TMEM138: variants seen among roughly 807,000 people sequenced by gnomAD.
TMEM138 encodes the protein transmembrane protein 138.
In TMEM138, 9 loss-of-function variants were observed where a neutral mutation model predicts 18.1. The ratio of observed to expected loss-of-function variants is 0.50; its 90% CI spans 0.30 to 0.87. The LOEUF (loss-of-function observed/expected upper bound fraction) is 0.87. Ranked by LOEUF, TMEM138 falls within the 40% of genes least tolerant of loss-of-function variation. The pLI, the probability that TMEM138 is intolerant of heterozygous loss-of-function variation, is 0.06. For missense variants in TMEM138, 189 were observed against 190.6 expected, an observed-to-expected ratio of 0.99 and a Z score of 0.05; for synonymous variants, 79 against 74.8, an observed-to-expected ratio of 1.06 and a Z score of -0.29.
chr11:61,368,661 C>A lies in TMEM138; in HGVS notation c.441C>A (p.Tyr147Ter). The change falls in exon 5 of 5, where the codon TAC becomes TAA. Residue 147 changes from tyrosine to a stop codon, truncating the protein, a stop_gained. Transcript: ENST00000278826. LOFTEE classifies it high-confidence loss of function. ...TAAGACTAGGCGATCCTCACTTCTA[C>A]CAGGACTCTTTGTGGCTGCGCAAGG... is the stretch of plus-strand genomic sequence containing the variant. ...TAVRLGDPHF[Y>*]QDSLWLRKEF... 6.2e-7 allele frequency: 1 copy of A among 1,614,122 alleles called. No homozygotes were observed. Among genetic ancestry groups the A allele is most frequent in the Non-Finnish European group, 8.5e-7 (1 of 1,180,020 alleles).
downstream of TMEM138, among the ~76,000 whole-genome samples, chr11:61,371,059 G>C (rs945692058): frequency 3.3e-5 from 5 of 152,146 alleles, no homozygotes; most frequent in African/African-American, 4.8e-5. Flanking sequence ...ATTTTGAGAT[G>C]GAGTCTAGCT....
At chr11:61,364,788 A>G (rs1858076941) in intron 2 of TMEM138, 2 of 274,296 alleles carry the variant, frequency 7.3e-6, no homozygotes, top group African/African-American at 2.2e-5. Context: ...GCAGTGATTC[A>G]GGATGCTGAC....
Position 61,364,273 on chromosome 11 carries a change from A to C in TMEM138, c.-118A>C. On this transcript the variant is annotated 5_prime_UTR_variant, in exon 2 of 5. Coordinates refer to ENST00000278826, the MANE Select transcript of TMEM138 (RefSeq NM_016464.5). ...ACAGGTGCTTGCCTTAGAGCAAGGG[A>C]AACAGCTCTCATTCAAAGGAACTAG... 7.7e-7 allele frequency: 1 copy of C among 1,298,316 alleles called. No individual in the cohort carries two copies. Among genetic ancestry groups the C allele is most frequent in the Non-Finnish European group, 1.1e-6 (1 of 938,448 alleles). The allele number at this position is 1,298,316 out of a possible 1,614,324, so 80.4% of individuals were successfully genotyped here. A position where few individuals can be genotyped will look rare whatever the true frequency, so the allele number is the denominator to read the frequency against.
intron 3 of TMEM138, chr11:61,367,054 G>T (rs975184125): frequency 2.6e-5 from 4 of 152,218 alleles, no homozygotes; most frequent in Non-Finnish European, 4.4e-5. Flanking sequence ...TGTTGATACA[G>T]GTTATTCTTA....
downstream of TMEM138, among the ~76,000 whole-genome samples, chr11:61,374,234 G>A (rs1317464918): frequency 7.1e-6 from 1 of 141,342 alleles, no homozygotes; most frequent in Non-Finnish European, 1.5e-5. Flanking sequence ...TGGAAACTCT[G>A]CGTCCCGGGT....
chr11:61,366,010 G>T, intron 2 of TMEM138, 35 bp from the exon 3 acceptor site: 1 of 1,591,084 alleles, frequency 6.3e-7, no homozygotes, highest in South Asian at 1.2e-5. Flanking sequence ...CCTCACACAG[G>T]CCTTCATTGG....
In TMEM138 at chr11:61,364,525, G is replaced by A; in HGVS notation, c.128+7G>A. 4 of 1,613,948 alleles carry A rather than the reference G, an allele frequency of 2.5e-6. No homozygotes were observed. Among genetic ancestry groups the A allele is most frequent in the African/African-American group, 1.3e-5 (1 of 75,066 alleles). On this transcript the variant is annotated splice_region_variant and intron_variant, in intron 2 of 4. Coordinates refer to ENST00000278826, the MANE Select transcript of TMEM138 (RefSeq NM_016464.5). ...TCCAGCTTGTGCTCTTCATGTGCGTGCAGTAAGGCACTCTGGAAAGCTGAA... is the reference window on the plus strand; with the variant it reads ...TCCAGCTTGTGCTCTTCATGTGCGTACAGTAAGGCACTCTGGAAAGCTGAA...
intron 2 of TMEM138, among the ~76,000 whole-genome samples, chr11:61,365,135 C>T (rs1238880329): frequency 6.6e-6 from 1 of 151,112 alleles, no homozygotes; most frequent in Non-Finnish European, 1.5e-5. Context: ...TTGCAGTGAG[C>T]CATGATCATG....
At chr11:61,371,296 G>A (rs1858337729), downstream of TMEM138, among the ~76,000 whole-genome samples, 1 of 152,136 alleles carries the variant, frequency 6.6e-6, no homozygotes, top group African/African-American at 2.4e-5. Context: ...GCCTCCCAAA[G>A]TGCTGGGATT....
chr11:61,368,665 G>T lies in TMEM138; in HGVS notation c.445G>T (p.Asp149Tyr). The T allele has an allele frequency of 6.2e-7, 1 of 1,614,108 alleles. No homozygotes were observed. Among genetic ancestry groups the T allele is most frequent in the South Asian group, 1.1e-5 (1 of 91,082 alleles). ...ACTAGGCGATCCTCACTTCTACCAG[G>T]ACTCTTTGTGGCTGCGCAAGGAGTT... ...VRLGDPHFYQ[D>Y]SLWLRKEFMQ... Residue 149 changes from aspartate to tyrosine, a missense_variant, in exon 5 of 5, where the codon GAC (aspartate) becomes TAC (tyrosine). Asp to Tyr is a radical substitution (Grantham distance 160). Transcript: ENST00000278826.
Position 61,368,472 on chromosome 11 carries a change from T to C in TMEM138, c.377-125T>C, listed in dbSNP as rs1234515348. The C allele has an allele frequency of 4.7e-6, 3 of 634,118 alleles. No homozygotes were observed. The African/African-American group carries it at 5.5e-5, about 12-fold the overall frequency. The allele number at this position is 634,118 out of a possible 1,614,324, so 39.3% of individuals were successfully genotyped here. On this transcript the variant is annotated intron_variant, in intron 4 of 4. Transcript: ENST00000278826. ...TCGATCTCTGACCTCATGATCCGCC[T>C]GCCTCTGCCTCCTAAAGTGCTGGGA...
chr11:61,367,725 C>A, intron 3 of TMEM138, 198 bp from the exon 4 acceptor site: 1 of 584,336 alleles, frequency 1.7e-6, no homozygotes, highest in Non-Finnish European at 3.1e-6. Flanking sequence ...ATACTTCCTC[C>A]CTCAAAGTTA....
At position 61,368,834 on chromosome 11, in the gene TMEM138, T is replaced by C; in HGVS notation, c.*125T>C. On this transcript the variant is annotated 3_prime_UTR_variant, in exon 5 of 5. Transcript: ENST00000278826. ...TTCCAAGGAAGGTTCAGACTAGCTG[T>C]GTTCAGCATTCAAGAAGGAAGATCC... 1 of 705,954 alleles carries C rather than the reference T, an allele frequency of 1.4e-6. No individual in the cohort carries two copies. Among genetic ancestry groups the C allele is most frequent in the Non-Finnish European group, 2.5e-6 (1 of 400,972 alleles). 43.7% of individuals were successfully genotyped at this position (705,954 alleles called of 1,614,324 possible).
At chr11:61,364,226 C>A in intron 1 of TMEM138, 26 bp from the exon 2 acceptor site, 1 of 728,952 alleles carries the variant, frequency 1.4e-6, no homozygotes, top group Non-Finnish European at 2.2e-6. Context: ...ACATTTCTAA[C>A]CTTGCTTATC....
chr11:61,365,915 T>G, intron 2 of TMEM138, 130 bp from the exon 3 acceptor site: 1 of 1,175,030 alleles, frequency 8.5e-7, no homozygotes, highest in Non-Finnish European at 1.2e-6. Flanking sequence ...GTTATCTCTG[T>G]GAGGGTTTAA....
At chr11:61,375,550 T>C (rs1188816450), downstream of TMEM138, among the ~76,000 whole-genome samples, 1 of 152,124 alleles carries the variant, frequency 6.6e-6, no homozygotes, top group East Asian at 1.9e-4. Context: ...CTCAAACTCC[T>C]GACCTCAGGC....
chr11:61,364,255 C>G lies in TMEM138; in HGVS notation c.-136C>G. 1 of 1,061,408 alleles carries G rather than the reference C, an allele frequency of 9.4e-7. No homozygotes were observed. The highest frequency in any genetic ancestry group is 1.4e-6 in the Non-Finnish European group (1 of 735,366). The allele number at this position is 1,061,408 out of a possible 1,614,324, so 65.7% of individuals were successfully genotyped here. A position where few individuals can be genotyped will look rare whatever the true frequency, so the allele number is the denominator to read the frequency against. On this transcript the variant is annotated 5_prime_UTR_variant, in exon 2 of 5. Transcript: ENST00000278826. ...GCTTATCTTTTTGCTCCAACAGGTG[C>G]TTGCCTTAGAGCAAGGGAAACAGCT... is the stretch of plus-strand genomic sequence containing the variant.
At position 61,362,396 on chromosome 11, in the gene TMEM138, T is replaced by G. The variant is rs886048407; in HGVS notation, c.-164T>G. On this transcript the variant is annotated 5_prime_UTR_variant, in exon 1 of 5. It removes an upstream start codon present in the reference 5' UTR. Transcript: ENST00000278826. ...TCCGGAAGCCGGGACGATGTCCGCA[T>G]GACAACCGACGTTGGAGTTTGGAGG... 6.6e-6 allele frequency: 1 copy of G among 152,230 alleles called. No individual in the cohort carries two copies. Among genetic ancestry groups the G allele is most frequent in the African/African-American group, 2.4e-5 (1 of 41,458 alleles). The allele number at this position is 152,230 out of a possible 1,614,324, so 9.4% of individuals were successfully genotyped here.
At chr11:61,366,817 A>G (rs1252607969) in intron 3 of TMEM138, 1 of 152,282 alleles carries the variant, frequency 6.6e-6, no homozygotes, top group Non-Finnish European at 1.5e-5. Flanking sequence ...CATCTCACAC[A>G]ATCCTTCGTA....
Sources: gnomAD v4.1 joint callset for allele counts (sites outside exome capture counted in the v4.1 genomes callset) on GRCh38, gnomAD v4.1.1 for gene constraint, MANE v1.5 for transcripts, NCBI Gene and HGNC (gene_info 2026-07-23, HGNC 2026-07-21) for gene names.